Variants in SPTLC2 observed in about 807,000 individuals in gnomAD.
SPTLC2 encodes serine palmitoyltransferase long chain base subunit 2, also known as serine palmitoyltransferase 2.
Under a neutral mutation model 62.0 loss-of-function variants are expected in SPTLC2, and 21 were observed. The observed-to-expected ratio is 0.34, with a 90% CI of 0.24 to 0.49. The LOEUF (loss-of-function observed/expected upper bound fraction) is 0.49, where lower values mean the gene tolerates loss of function less well. Ranked by LOEUF, SPTLC2 falls within the 20% of genes least tolerant of loss-of-function variation. The pLI is 0.99. For synonymous variants in SPTLC2, 261 were observed against 261.8 expected (o/e 1.00, Z 0.03); for missense variants, 511 against 713.0 (o/e 0.72, Z 3.23).
intron 2 of SPTLC2, among the ~76,000 whole-genome samples, chr14:77,588,740 C>T (rs1331738878): frequency 6.6e-6 from 1 of 151,112 alleles, no homozygotes; most frequent in Non-Finnish European, 1.5e-5. Context: ...GTGGCTCATG[C>T]CTATAATCCC....
In SPTLC2 at chr14:77,597,197, C is replaced by T; in HGVS notation, c.316G>A (p.Glu106Lys). The change falls in exon 2 of 12, where the codon GAA becomes AAA. Residue 106 changes from glutamate to lysine, a missense_variant. Coordinates refer to ENST00000216484, the MANE Select transcript of SPTLC2 (RefSeq NM_004863.4). ...IEKCHHATER[E>K]EQKDFVSLYQ... Reference sequence around the variant, plus strand: ...TCTCTAACAGTTACCTTTTGTTCTTCTCTTTCTGTTGCATGGTGACACTTT... The same window carrying T: ...TCTCTAACAGTTACCTTTTGTTCTTTTCTTTCTGTTGCATGGTGACACTTT... 1 of 1,614,106 alleles carries T rather than the reference C, an allele frequency of 6.2e-7. No individual in the cohort carries two copies. Among genetic ancestry groups the T allele is most frequent in the Non-Finnish European group, 8.5e-7 (1 of 1,179,982 alleles).
chr14:77,514,734 T>C (rs1471835209), intron 11 of SPTLC2, among the ~76,000 whole-genome samples: 3 of 152,238 alleles, frequency 2.0e-5, no homozygotes, highest in Non-Finnish European at 2.9e-5. Context: ...TGTGCAACTT[T>C]TGTCACTATC....
chr14:77,591,721 T>TGTAC (rs771853445), intron 2 of SPTLC2, among the ~76,000 whole-genome samples: 1 of 147,390 alleles, frequency 6.8e-6, no homozygotes, highest in Non-Finnish European at 1.5e-5. Flanking sequence ...TATGTATGTA[T>TGTAC]GTATGTATGT....
intron 9 of SPTLC2, among the ~76,000 whole-genome samples, chr14:77,528,385 C>A (rs2079419455): frequency 6.6e-6 from 1 of 152,128 alleles, no homozygotes; most frequent in South Asian, 2.1e-4. Flanking sequence ...GCATGTGCCA[C>A]CATGCCTGGC....
At chr14:77,586,161 C>T (rs1236053808) in intron 2 of SPTLC2, among the ~76,000 whole-genome samples, 4 of 148,696 alleles carry the variant, frequency 2.7e-5, no homozygotes, top group East Asian at 2.0e-4. Flanking sequence ...CTGCAACATT[C>T]GCCTCCTGGG....
intron 11 of SPTLC2, among the ~76,000 whole-genome samples, chr14:77,516,674 T>C (rs1006673079): frequency 2.0e-5 from 3 of 152,178 alleles, no homozygotes; most frequent in Non-Finnish European, 4.4e-5. Context: ...TGAATCTAAT[T>C]GGATATTGTC....
chr14:77,513,510 G>A (rs1184277365), intron 11 of SPTLC2, among the ~76,000 whole-genome samples: 1 of 152,130 alleles, frequency 6.6e-6, no homozygotes. Context: ...AGCTCCACAT[G>A]GAAACAATTT....
chr14:77,542,059 T>C (rs567353432), intron 9 of SPTLC2, among the ~76,000 whole-genome samples: 1 of 122,604 alleles, frequency 8.2e-6, no homozygotes. Flanking sequence ...AGACTCTGTG[T>C]CCGGAAAAAA....
At chr14:77,570,358 T>C (rs1435054353) in intron 5 of SPTLC2, 26 bp downstream of exon 5, 1 of 1,609,864 alleles carries the variant, frequency 6.2e-7, no homozygotes, top group South Asian at 1.1e-5. Context: ...CATGAGGGAG[T>C]TTTCATAAAT....
chr14:77,529,352 C>T (rs1486422037), intron 9 of SPTLC2, among the ~76,000 whole-genome samples: 1 of 146,972 alleles, frequency 6.8e-6, no homozygotes, highest in Non-Finnish European at 1.5e-5. Context: ...AATAAACTTA[C>T]ATACCCTTGA....
At chr14:77,608,296 T>G (rs1220516311) in intron 1 of SPTLC2, among the ~76,000 whole-genome samples, 1 of 152,232 alleles carries the variant, frequency 6.6e-6, no homozygotes, top group Non-Finnish European at 1.5e-5. Context: ...ACAGCTTATG[T>G]GTCACCACAA....
intron 9 of SPTLC2, among the ~76,000 whole-genome samples, chr14:77,530,392 G>T (rs185670102): frequency 6.6e-6 from 1 of 151,938 alleles, no homozygotes; most frequent in East Asian, 1.9e-4. Flanking sequence ...GCAGCGGCAC[G>T]ATCTCAGCTC....
At chr14:77,522,308 G>A (rs1566767840) in intron 9 of SPTLC2, among the ~76,000 whole-genome samples, 1 of 152,000 alleles carries the variant, frequency 6.6e-6, no homozygotes, top group Non-Finnish European at 1.5e-5. Flanking sequence ...GGTTACGGGT[G>A]CACATCACCA....
chr14:77,523,688 T>C (rs1287319152), intron 9 of SPTLC2, among the ~76,000 whole-genome samples: 1 of 152,214 alleles, frequency 6.6e-6, no homozygotes, highest in African/African-American at 2.4e-5. Context: ...TCTTATAATA[T>C]GTGGGTTATC....
intron 11 of SPTLC2, among the ~76,000 whole-genome samples, chr14:77,513,043 T>TTTTTTTTTTA (rs66611905): frequency 7.2e-6 from 1 of 139,168 alleles, no homozygotes; most frequent in Non-Finnish European, 1.5e-5. Context: ...TTTTTTTTTT[T>TTTTTTTTTTA]GAGACAGAGT....
At chr14:77,605,969 T>C (rs904131157) in intron 1 of SPTLC2, among the ~76,000 whole-genome samples, 1 of 152,236 alleles carries the variant, frequency 6.6e-6, no homozygotes, top group Non-Finnish European at 1.5e-5. Context: ...TGTATCTGCC[T>C]AAGACTGCAA....
intron 5 of SPTLC2, among the ~76,000 whole-genome samples, chr14:77,567,306 T>A (rs893339875): frequency 6.6e-6 from 1 of 152,186 alleles, no homozygotes; most frequent in African/African-American, 2.4e-5. Flanking sequence ...GTAGAAAACG[T>A]CTAATTCTAG....
At position 77,511,151 on chromosome 14, in the gene SPTLC2, G is replaced by A. The variant is rs1052077806; in HGVS notation, c.*1133C>T. On this transcript the variant is annotated 3_prime_UTR_variant, in exon 12 of 12. Coordinates refer to ENST00000216484, the MANE Select transcript of SPTLC2 (RefSeq NM_004863.4). ...GACTTAGGACATCAAGAATAAAAGA[G>A]AACTAGCATTCAGAAGAGTAATATT... The A allele has an allele frequency of 1.3e-5, 2 of 152,200 alleles. No homozygotes were observed. The highest frequency in any genetic ancestry group is 2.9e-5 in the Non-Finnish European group (2 of 68,038). 9.4% of individuals were successfully genotyped at this position (152,200 alleles called of 1,614,324 possible).
chr14:77,537,951 G>A (rs756439851), intron 9 of SPTLC2, among the ~76,000 whole-genome samples: 72 of 152,122 alleles, frequency 4.7e-4, no homozygotes, highest in Non-Finnish European at 8.8e-4. Context: ...CTTCGGCTTA[G>A]CCTTAACTTT....
Sources: gnomAD v4.1 joint callset for allele counts (sites outside exome capture counted in the v4.1 genomes callset) on GRCh38, gnomAD v4.1.1 for gene constraint, MANE v1.5 for transcripts, NCBI Gene and HGNC (gene_info 2026-07-23, HGNC 2026-07-21) for gene names.